The following EXOC4 variants were observed in gnomAD, a reference collection of about 807,000 sequenced individuals.
The protein encoded by EXOC4 is exocyst complex component 4, also known as SEC8-like 1.
EXOC4 carries 71 observed loss-of-function variants against 107.2 expected under a neutral mutation model. That is an observed-to-expected ratio of 0.66 (90% CI 0.55 to 0.81). EXOC4 has a LOEUF of 0.81. Ranked by LOEUF, EXOC4 falls within the 30% of genes least tolerant of loss-of-function variation. EXOC4 has a pLI of 0.00. For missense variants in EXOC4, 1,108 were observed against 1,189.6 expected (o/e 0.93, Z 1.01); for synonymous variants, 456 against 441.2 (o/e 1.03, Z -0.42).
At chr7:133,316,921 T>C (rs1020757996) in intron 4 of EXOC4, among the ~76,000 whole-genome samples, 3 of 152,204 alleles carry the variant, frequency 2.0e-5, no homozygotes, top group African/African-American at 7.2e-5. Context: ...GTTGATAAAT[T>C]AATATTTAAT....
chr7:134,028,142 A>G (rs1430531847), intron 17 of EXOC4, among the ~76,000 whole-genome samples: 1 of 152,240 alleles, frequency 6.6e-6, no homozygotes, highest in African/African-American at 2.4e-5. Context: ...TCCTAAGAGT[A>G]TCATGTTAAC....
intron 9 of EXOC4, among the ~76,000 whole-genome samples, chr7:133,560,116 A>AT (rs1269717669): frequency 2.0e-5 from 3 of 151,638 alleles, no homozygotes; most frequent in Non-Finnish European, 2.9e-5. Context: ...GTACTTTCTC[A>AT]TTTTTTTTAA....
chr7:133,923,128 C>CG (rs1799975623), intron 13 of EXOC4, among the ~76,000 whole-genome samples: 1 of 126,542 alleles, frequency 7.9e-6, no homozygotes, highest in Admixed American at 8.1e-5. Flanking sequence ...AGAGTTTACA[C>CG]TTTTTTTTTT....
At chr7:133,797,915 A>G (rs1282553534) in intron 10 of EXOC4, among the ~76,000 whole-genome samples, 1 of 152,222 alleles carries the variant, frequency 6.6e-6, no homozygotes, top group Non-Finnish European at 1.5e-5. Context: ...AAAAGTAAAC[A>G]AAGTCAATGC....
At chr7:133,580,582 G>A (rs1447025167) in intron 9 of EXOC4, among the ~76,000 whole-genome samples, 1 of 152,186 alleles carries the variant, frequency 6.6e-6, no homozygotes, top group Non-Finnish European at 1.5e-5. Flanking sequence ...TCAGAGAGGT[G>A]TAAAGTAAAC....
chr7:133,530,530 A>G (rs1800162183), intron 9 of EXOC4, among the ~76,000 whole-genome samples: 1 of 152,230 alleles, frequency 6.6e-6, no homozygotes, highest in Non-Finnish European at 1.5e-5. Flanking sequence ...TAAAAATACC[A>G]TAGTATAATC....
chr7:133,613,647 T>C (rs1219864946), intron 9 of EXOC4, among the ~76,000 whole-genome samples: 1 of 151,872 alleles, frequency 6.6e-6, no homozygotes, highest in Non-Finnish European at 1.5e-5. Flanking sequence ...GTACTATACA[T>C]TGAGGTCTGC....
At chr7:133,853,704 T>C (rs1188836260) in intron 11 of EXOC4, among the ~76,000 whole-genome samples, 1 of 152,174 alleles carries the variant, frequency 6.6e-6, no homozygotes, top group African/African-American at 2.4e-5. Flanking sequence ...TTCAGTGTGA[T>C]ACAGTTAGCC....
At chr7:133,306,301 C>CTAA (rs746307578) in intron 4 of EXOC4, among the ~76,000 whole-genome samples, 10 of 152,144 alleles carry the variant, frequency 6.6e-5, no homozygotes, top group Non-Finnish European at 1.5e-4. Flanking sequence ...ATATAAGAAG[C>CTAA]ATTTACTGTG....
At chr7:133,870,246 C>G (rs1413011172) in intron 11 of EXOC4, among the ~76,000 whole-genome samples, 2 of 152,132 alleles carry the variant, frequency 1.3e-5, no homozygotes, top group East Asian at 3.9e-4. Flanking sequence ...ACACACATCT[C>G]CCTACCTCCA....
chr7:133,796,923 C>T (rs1796829251), intron 10 of EXOC4, among the ~76,000 whole-genome samples: 1 of 152,128 alleles, frequency 6.6e-6, no homozygotes, highest in Non-Finnish European at 1.5e-5. Flanking sequence ...GGAGTGTCAG[C>T]ATATCCCAAA....
At chr7:133,674,201 A>G in intron 10 of EXOC4, among the ~76,000 whole-genome samples, 1 of 152,208 alleles carries the variant, frequency 6.6e-6, no homozygotes, top group East Asian at 1.9e-4. Context: ...CAAAAGCTAT[A>G]CCAAAAGCAA....
At chr7:133,995,460 A>G (rs1395863120) in intron 14 of EXOC4, among the ~76,000 whole-genome samples, 4 of 152,212 alleles carry the variant, frequency 2.6e-5, no homozygotes, top group Admixed American at 6.5e-5. Context: ...ATGTTTTGAA[A>G]TATCATAGTT....
chr7:133,389,595 A>AGTG (rs1554445245), intron 7 of EXOC4, among the ~76,000 whole-genome samples: 2 of 95,352 alleles, frequency 2.1e-5, no homozygotes, highest in Admixed American at 1.5e-4. Context: ...AAAAAAAAAA[A>AGTG]GAGAGTCTTA....
intron 4 of EXOC4, among the ~76,000 whole-genome samples, chr7:133,316,117 T>A (rs1934644326): frequency 6.6e-6 from 1 of 152,230 alleles, no homozygotes; most frequent in African/African-American, 2.4e-5. Context: ...TAACAAACTT[T>A]ATTTTTCAAA....
intron 5 of EXOC4, among the ~76,000 whole-genome samples, chr7:133,334,686 T>C (rs528569407): frequency 6.6e-6 from 1 of 152,250 alleles, no homozygotes; most frequent in African/African-American, 2.4e-5. Flanking sequence ...CTAGTTATTT[T>C]TTCTGATTCT....
intron 2 of EXOC4, among the ~76,000 whole-genome samples, chr7:133,277,008 C>T (rs1277269388): frequency 6.6e-6 from 1 of 151,490 alleles, no homozygotes; most frequent in Admixed American, 6.6e-5. Flanking sequence ...GTTGCCCAGG[C>T]TGGAGTGCAA....
intron 9 of EXOC4, among the ~76,000 whole-genome samples, chr7:133,595,525 G>A (rs1475441924): frequency 1.3e-5 from 2 of 152,280 alleles, no homozygotes; most frequent in Admixed American, 6.5e-5. Context: ...GTGTTTGTAT[G>A]TCAGAAAAAC....
intron 14 of EXOC4, among the ~76,000 whole-genome samples, chr7:133,967,444 C>A (rs942270381): frequency 2.0e-5 from 3 of 152,086 alleles, no homozygotes; most frequent in African/African-American, 7.2e-5. Context: ...AGATCTTTCC[C>A]GCTTTCTCCT....
Sources: gnomAD v4.1 joint callset for allele counts (sites outside exome capture counted in the v4.1 genomes callset) on GRCh38, gnomAD v4.1.1 for gene constraint, MANE v1.5 for transcripts, NCBI Gene and HGNC (gene_info 2026-07-23, HGNC 2026-07-21) for gene names.